EHHADH: variants seen among roughly 807,000 people sequenced by gnomAD.
EHHADH encodes the protein peroxisomal bifunctional enzyme.
Under a neutral mutation model 64.4 loss-of-function variants are expected in EHHADH, and 48 were observed. That is an observed-to-expected ratio of 0.75 (90% CI 0.59 to 0.95). The LOEUF is 0.95. Ranked by LOEUF, EHHADH falls within the 40% of genes least tolerant of loss-of-function variation. EHHADH has a pLI of 0.00. For missense variants in EHHADH, 854 were observed against 876.6 expected, an observed-to-expected ratio of 0.97 and a Z score of 0.33; for synonymous variants, 308 against 326.7, an observed-to-expected ratio of 0.94 and a Z score of 0.62.
In EHHADH at chr3:185,204,460, C is replaced by T. The variant is rs1423702542; in HGVS notation, c.866G>A (p.Trp289Ter). ...NKWSTPSGAS[W>*]KTASARPVSS... ...GACAGGCCGCGCTGATGCTGTTTTC[C>T]ACGATGCTCCGGAGGGAGTTGACCA... The change falls in exon 6 of 7, where the codon TGG (tryptophan) becomes TAG (stop). Residue 289 changes from tryptophan to a stop codon, truncating the protein, a stop_gained. Coordinates refer to ENST00000231887, the MANE Select transcript of EHHADH (RefSeq NM_001966.4). LOFTEE classifies it high-confidence loss of function. 1.2e-6 allele frequency: 2 copies of T among 1,613,230 alleles called. No homozygotes were observed. The highest frequency in any genetic ancestry group is 2.7e-5 in the African/African-American group (2 of 74,922).
intron 2 of EHHADH, among the ~76,000 whole-genome samples, chr3:185,240,948 C>G (rs1719432403): frequency 6.6e-6 from 1 of 152,060 alleles, no homozygotes; most frequent in Non-Finnish European, 1.5e-5. Flanking sequence ...TCTTTTATCC[C>G]TTGCCCCACT....
At chr3:185,195,224 C>A (rs755901806) in intron 6 of EHHADH, among the ~76,000 whole-genome samples, 21 of 152,068 alleles carry the variant, frequency 1.4e-4, no homozygotes, top group Non-Finnish European at 2.6e-4. Context: ...AAAGCACAAG[C>A]AACACATGGG....
At chr3:185,239,686 C>T (rs1280876412) in intron 2 of EHHADH, among the ~76,000 whole-genome samples, 4 of 152,134 alleles carry the variant, frequency 2.6e-5, no homozygotes, top group Admixed American at 6.5e-5. Context: ...TTGGAAGAGT[C>T]GTTAGGATTT....
rs1011519884 is a variant in EHHADH, at chr3:185,190,898, GCC to G, written c.*1326_*1327del. 3.9e-5 allele frequency: 6 copies of G among 152,108 alleles called. No individual in the cohort carries two copies. The highest frequency in any genetic ancestry group is 1.4e-4 in the African/African-American group (6 of 41,404). 9.4% of individuals were successfully genotyped at this position (152,108 alleles called of 1,614,324 possible). On this transcript the variant is annotated 3_prime_UTR_variant, in exon 7 of 7. Transcript: ENST00000231887. The stretch of plus-strand genomic sequence containing the variant: ...ACCACAATGAAGGATAACATCTTCA[GCC>G]CCATTTATTTACTAACAACTTTATT...
chr3:185,225,622 C>G (rs1290363262), intron 4 of EHHADH, among the ~76,000 whole-genome samples: 1 of 152,096 alleles, frequency 6.6e-6, no homozygotes, highest in African/African-American at 2.4e-5. Flanking sequence ...CACTCCAATG[C>G]CTTTCTTCCT....
chr3:185,207,828 A>G (rs73887834), intron 5 of EHHADH, among the ~76,000 whole-genome samples: 10,844 of 152,308 alleles, frequency 0.071, 437 homozygotes, highest in Admixed American at 0.089. Flanking sequence ...CACATCAAAT[A>G]TCAAATAAAG....
intron 6 of EHHADH, among the ~76,000 whole-genome samples, chr3:185,201,269 G>A (rs922837361): frequency 6.6e-6 from 1 of 152,186 alleles, no homozygotes; most frequent in African/African-American, 2.4e-5. Flanking sequence ...TAGAGACGAT[G>A]AGGACAACCA....
chr3:185,242,833 G>T (rs1037573892), intron 2 of EHHADH, among the ~76,000 whole-genome samples: 1 of 152,218 alleles, frequency 6.6e-6, no homozygotes. Flanking sequence ...CCCTGCCTGT[G>T]AAGTCTGCAC....
intron 6 of EHHADH, among the ~76,000 whole-genome samples, chr3:185,201,476 G>A (rs1349023866): frequency 6.6e-6 from 1 of 152,158 alleles, no homozygotes; most frequent in Non-Finnish European, 1.5e-5. Flanking sequence ...TGGGAGAAGC[G>A]GCAGCATTCC....
intron 2 of EHHADH, among the ~76,000 whole-genome samples, chr3:185,242,036 G>C (rs1053674044): frequency 2.0e-5 from 3 of 152,064 alleles, no homozygotes; most frequent in Non-Finnish European, 4.4e-5. Flanking sequence ...TATCCCAGCT[G>C]TGTCCAAGCA....
intron 5 of EHHADH, among the ~76,000 whole-genome samples, chr3:185,215,356 A>C (rs1577362206): frequency 6.6e-6 from 1 of 152,184 alleles, no homozygotes; most frequent in South Asian, 2.1e-4. Flanking sequence ...TGCATGCAAC[A>C]ATAGGAATGG....
intron 4 of EHHADH, among the ~76,000 whole-genome samples, chr3:185,223,341 C>G (rs1718886605): frequency 6.6e-6 from 1 of 151,988 alleles, no homozygotes; most frequent in South Asian, 2.1e-4. Flanking sequence ...ATACGGTGTT[C>G]TTATTTAACA....
chr3:185,209,855 G>C (rs1718491894), intron 5 of EHHADH, among the ~76,000 whole-genome samples: 1 of 152,158 alleles, frequency 6.6e-6, no homozygotes, highest in Non-Finnish European at 1.5e-5. Flanking sequence ...TAGGCATGTG[G>C]TCCCTCTCAC....
intron 3 of EHHADH, among the ~76,000 whole-genome samples, chr3:185,234,568 TAGGGCTA>T (rs1205351315): frequency 8.2e-6 from 1 of 121,726 alleles, no homozygotes; most frequent in Non-Finnish European, 1.8e-5. Flanking sequence ...AGAGAGGCCC[TAGGGCTA>T]AGGTTAAGGG....
chr3:185,193,811 GAAAC>G (rs1200341249), intron 6 of EHHADH, among the ~76,000 whole-genome samples: 1 of 151,948 alleles, frequency 6.6e-6, no homozygotes, highest in Non-Finnish European at 1.5e-5. Flanking sequence ...AAAATTAAAA[GAAAC>G]AATTCTACTT....
chr3:185,213,431 G>A (rs536922664), intron 5 of EHHADH, among the ~76,000 whole-genome samples: 24 of 152,140 alleles, frequency 1.6e-4, no homozygotes, highest in Non-Finnish European at 2.9e-4. Context: ...CATGGCTCTA[G>A]ATCAAGACAA....
chr3:185,237,866 C>T (rs1484112239), intron 2 of EHHADH, among the ~76,000 whole-genome samples: 2 of 152,074 alleles, frequency 1.3e-5, no homozygotes, highest in Non-Finnish European at 2.9e-5. Context: ...AAACGGTGAA[C>T]ATTGTACCAC....
chr3:185,196,979 G>A (rs1376457610), intron 6 of EHHADH, among the ~76,000 whole-genome samples: 1 of 151,580 alleles, frequency 6.6e-6, no homozygotes, highest in East Asian at 1.9e-4. Flanking sequence ...TCCAGCCTGG[G>A]TGACAGAGTG....
At position 185,233,943 on chromosome 3, in the gene EHHADH, C is replaced by A. The variant is rs535280769; in HGVS notation, c.351+1347G>T. On this transcript the variant is annotated intron_variant, in intron 3 of 6. Transcript: ENST00000231887. ...ACAGGCATGAGCCACCATGCCCAGC[C>A]AATGTACTTTTTTTTAAAGGACATT... 3.8e-3 allele frequency among the ~76,000 whole-genome samples: 585 copies of A among 152,002 alleles called. 5 individuals are homozygous for A. The highest frequency in any genetic ancestry group is 0.013 in the African/African-American group (537 of 41,434).
Sources: gnomAD v4.1 joint callset for allele counts (sites outside exome capture counted in the v4.1 genomes callset) on GRCh38, gnomAD v4.1.1 for gene constraint, MANE v1.5 for transcripts, NCBI Gene and HGNC (gene_info 2026-07-23, HGNC 2026-07-21) for gene names.